STXBP5L: variants seen among roughly 807,000 people sequenced by gnomAD.
The protein encoded by STXBP5L is syntaxin binding protein 5L.
Under a neutral mutation model 144.5 loss-of-function variants are expected in STXBP5L, and 65 were observed. The ratio of observed to expected loss-of-function variants is 0.45; its 90% confidence interval spans 0.37 to 0.55. The LOEUF is 0.55. Ranked by LOEUF, STXBP5L falls within the 20% of genes least tolerant of loss-of-function variation. The pLI is 0.00. For synonymous variants in STXBP5L, 505 were observed against 469.6 expected (o/e 1.08, Z -0.97); for missense variants, 1,298 against 1,405.5 (o/e 0.92, Z 1.22).
chr3:121,301,624 G>A (rs1252621579), intron 19 of STXBP5L, among the ~76,000 whole-genome samples: 10 of 152,062 alleles, frequency 6.6e-5, no homozygotes, highest in South Asian at 2.1e-4. Flanking sequence ...GTCTTGTGCC[G>A]GTTTTCACAG....
At chr3:121,182,857 C>A (rs73191423) in intron 9 of STXBP5L, among the ~76,000 whole-genome samples, 5,417 of 152,182 alleles carry the variant, frequency 0.036, 147 homozygotes, top group Middle Eastern at 0.082. Flanking sequence ...TCATTCAAGG[C>A]TACTATTAAT....
At chr3:121,010,621 C>G (rs79179138) in intron 3 of STXBP5L, among the ~76,000 whole-genome samples, 2,466 of 151,848 alleles carry the variant, frequency 0.016, 64 homozygotes, top group African/African-American at 0.056. Context: ...CAACTTTTGA[C>G]TCTACAAAAA....
chr3:121,076,078 T>C (rs2107676322), intron 5 of STXBP5L, among the ~76,000 whole-genome samples: 1 of 152,286 alleles, frequency 6.6e-6, no homozygotes, highest in South Asian at 2.1e-4. Flanking sequence ...AGAGAAGGGC[T>C]GATAAACGAA....
chr3:121,335,157 C>T (rs1390106960), intron 20 of STXBP5L, among the ~76,000 whole-genome samples: 2 of 152,118 alleles, frequency 1.3e-5, no homozygotes, highest in Non-Finnish European at 2.9e-5. Flanking sequence ...TTTCTATACA[C>T]CAACAATAGC....
chr3:121,330,092 T>G (rs1254380541), intron 20 of STXBP5L, among the ~76,000 whole-genome samples: 1 of 152,192 alleles, frequency 6.6e-6, no homozygotes, highest in Non-Finnish European at 1.5e-5. Context: ...TTATACAATA[T>G]TTCTGCTTCA....
intron 9 of STXBP5L, among the ~76,000 whole-genome samples, chr3:121,189,481 C>CCTTT (rs2047547029): frequency 6.6e-6 from 1 of 152,194 alleles, no homozygotes; most frequent in Non-Finnish European, 1.5e-5. Flanking sequence ...AACAGGGAAT[C>CCTTT]CTTTCCTCAT....
chr3:120,937,624 G>A (rs984883752), intron 2 of STXBP5L, among the ~76,000 whole-genome samples: 1 of 152,108 alleles, frequency 6.6e-6, no homozygotes, highest in Non-Finnish European at 1.5e-5. Flanking sequence ...TCTAAAGAAA[G>A]TTGTTGATTT....
At chr3:121,097,972 C>CT (rs774422982) in intron 5 of STXBP5L, among the ~76,000 whole-genome samples, 16 of 151,160 alleles carry the variant, frequency 1.1e-4, no homozygotes, top group Non-Finnish European at 1.8e-4. Flanking sequence ...ATTTTTTTTT[C>CT]TATTTTAACC....
At chr3:121,316,018 G>A (rs919739746) in intron 19 of STXBP5L, among the ~76,000 whole-genome samples, 1 of 150,394 alleles carries the variant, frequency 6.6e-6, no homozygotes. Context: ...AAAAAAGGAA[G>A]AAAAAAGCCA....
intron 20 of STXBP5L, among the ~76,000 whole-genome samples, chr3:121,343,313 A>C (rs1372238084): frequency 1.3e-5 from 2 of 151,978 alleles, no homozygotes; most frequent in African/African-American, 2.4e-5. Context: ...CTCTGATGGT[A>C]GTTTCTTTTG....
At chr3:121,321,918 A>T (rs1431962767) in intron 20 of STXBP5L, among the ~76,000 whole-genome samples, 1 of 152,182 alleles carries the variant, frequency 6.6e-6, no homozygotes, top group Non-Finnish European at 1.5e-5. Context: ...TATTGCATGA[A>T]GCCAAGGTTT....
chr3:121,130,266 C>T (rs2044917699), intron 7 of STXBP5L, among the ~76,000 whole-genome samples: 1 of 152,090 alleles, frequency 6.6e-6, no homozygotes, highest in Non-Finnish European at 1.5e-5. Flanking sequence ...TTCAAAGCAA[C>T]TCCTGACATG....
intron 20 of STXBP5L, among the ~76,000 whole-genome samples, chr3:121,375,912 C>G (rs1354798155): frequency 6.6e-6 from 1 of 152,114 alleles, no homozygotes; most frequent in Non-Finnish European, 1.5e-5. Context: ...TATTGCTGAA[C>G]TACGAGATGA....
At chr3:121,186,502 A>G (rs2047387127) in intron 9 of STXBP5L, among the ~76,000 whole-genome samples, 1 of 152,274 alleles carries the variant, frequency 6.6e-6, no homozygotes, top group South Asian at 2.1e-4. Flanking sequence ...TTGTAGCATG[A>G]AGCATTGTTG....
At chr3:121,124,581 C>A (rs1258955097) in intron 7 of STXBP5L, among the ~76,000 whole-genome samples, 3 of 151,944 alleles carry the variant, frequency 2.0e-5, no homozygotes, top group African/African-American at 7.2e-5. Flanking sequence ...AAAGAAGTTT[C>A]ATAACTGATT....
intron 5 of STXBP5L, among the ~76,000 whole-genome samples, chr3:121,085,045 C>T (rs2042424367): frequency 6.6e-6 from 1 of 151,830 alleles, no homozygotes; most frequent in Non-Finnish European, 1.5e-5. Context: ...TGTTCTTTGC[C>T]CACTGTTTGA....
chr3:120,997,020 C>A (rs1480440112), intron 3 of STXBP5L, among the ~76,000 whole-genome samples: 1 of 152,144 alleles, frequency 6.6e-6, no homozygotes, highest in Non-Finnish European at 1.5e-5. Context: ...ATGTTCAGCT[C>A]CCACTTATGT....
chr3:121,290,674 C>T (rs1366143660), intron 19 of STXBP5L, among the ~76,000 whole-genome samples: 3 of 152,058 alleles, frequency 2.0e-5, no homozygotes, highest in African/African-American at 7.2e-5. Flanking sequence ...ACTAGCTAAC[C>T]AAATCTAACA....
rs137984635 is a variant in STXBP5L, at chr3:121,373,114, T to A, written c.2177-5602T>A. The stretch of plus-strand genomic sequence containing the variant: ...AGGTAACAATGTATCAGGTAGAAAA[T>A]CTAGGGAAGAATTAATGAATCCAGT... On this transcript the variant is annotated intron_variant, in intron 20 of 26. Transcript: ENST00000471454. 2.5e-3 allele frequency among the ~76,000 whole-genome samples: 373 copies of A among 152,112 alleles called. 1 individual carries two copies. Among genetic ancestry groups the A allele is most frequent in the African/African-American group, 8.5e-3 (353 of 41,482 alleles).
Sources: gnomAD v4.1 joint callset for allele counts (sites outside exome capture counted in the v4.1 genomes callset) on GRCh38, gnomAD v4.1.1 for gene constraint, MANE v1.5 for transcripts, NCBI Gene and HGNC (gene_info 2026-07-23, HGNC 2026-07-21) for gene names.